Variants in RTN4 observed in about 807,000 individuals in gnomAD.
The protein encoded by RTN4 is reticulon 4, also known as reticulon-4.
RTN4 carries 32 observed loss-of-function variants against 90.4 expected under a neutral mutation model. That is an observed-to-expected ratio of 0.35 (90% confidence interval 0.27 to 0.48). The LOEUF (loss-of-function observed/expected upper bound fraction) is 0.48, where lower values mean the gene tolerates loss of function less well. Among genes scored for constraint, RTN4 ranks in the 20% least tolerant of loss-of-function variants. The pLI, the probability that RTN4 is intolerant of heterozygous loss-of-function variation, is 0.99. For missense variants in RTN4, 1,706 were observed against 1,430.2 expected (o/e 1.19, Z -3.11); for synonymous variants, 629 against 552.5 (o/e 1.14, Z -1.94).
chr2:55,088,276 T>A (rs2105040801), intron 1 of RTN4, among the ~76,000 whole-genome samples: 1 of 152,298 alleles, frequency 6.6e-6, no homozygotes, highest in South Asian at 2.1e-4. Flanking sequence ...GAAGGAAAAG[T>A]GGGAATGACA....
At chr2:55,018,878 C>A (rs1466606264) in intron 3 of RTN4, among the ~76,000 whole-genome samples, 1 of 152,106 alleles carries the variant, frequency 6.6e-6, no homozygotes, top group African/African-American at 2.4e-5. Context: ...ATCTTTAATA[C>A]CTCACTATTA....
chr2:55,057,125 A>G (rs764618462), intron 2 of RTN4, among the ~76,000 whole-genome samples: 12 of 152,238 alleles, frequency 7.9e-5, no homozygotes, highest in Admixed American at 5.9e-4. Flanking sequence ...TTAGCTGCCA[A>G]TACATTTACA....
chr2:55,045,423 C>A (rs1683356261), intron 1 of RTN4, among the ~76,000 whole-genome samples: 1 of 152,138 alleles, frequency 6.6e-6, no homozygotes, highest in African/African-American at 2.4e-5. Context: ...ACTGAATGAA[C>A]AAATAATGAA....
At chr2:55,101,514 T>C (rs115670795) in intron 1 of RTN4, among the ~76,000 whole-genome samples, 5,066 of 152,194 alleles carry the variant, frequency 0.033, 134 homozygotes, top group African/African-American at 0.038. Context: ...TCCAAAATGA[T>C]TTGGTGTATA....
At chr2:55,074,159 G>A (rs990874461) in intron 2 of RTN4, among the ~76,000 whole-genome samples, 1 of 152,182 alleles carries the variant, frequency 6.6e-6, no homozygotes, top group African/African-American at 2.4e-5. Flanking sequence ...AGGATTCTAT[G>A]GAAGTTGGTA....
At chr2:55,115,869 A>G (rs192157990), upstream of RTN4, among the ~76,000 whole-genome samples, 1 of 152,272 alleles carries the variant, frequency 6.6e-6, no homozygotes, top group East Asian at 1.9e-4. Flanking sequence ...CCATCCTCTT[A>G]TGACCATTTT....
chr2:55,126,562 T>C, the RTN4 span, among the ~76,000 whole-genome samples: 1 of 152,148 alleles, frequency 6.6e-6, no homozygotes, highest in African/African-American at 2.4e-5. Flanking sequence ...AAGGGAACAC[T>C]TATACGCTGT....
chr2:55,121,853 T>C, the RTN4 span, among the ~76,000 whole-genome samples: 1 of 152,200 alleles, frequency 6.6e-6, no homozygotes, highest in East Asian at 1.9e-4. Flanking sequence ...GCTTGTCATG[T>C]CATGTTACTC....
intron 7 of RTN4, 43 bp downstream of exon 7, chr2:54,973,778 G>A: frequency 6.3e-7 from 1 of 1,579,244 alleles, no homozygotes; most frequent in South Asian, 1.1e-5. Context: ...ATGTAATAGA[G>A]TGAGTGCTCT....
intron 1 of RTN4, among the ~76,000 whole-genome samples, chr2:55,035,376 A>G (rs1682604844): frequency 6.6e-6 from 1 of 152,162 alleles, no homozygotes; most frequent in African/African-American, 2.4e-5. Context: ...ACGAAACTAC[A>G]GAATTCTAAA....
chr2:55,113,382 T>C (rs1470013628), upstream of RTN4, among the ~76,000 whole-genome samples: 1 of 152,298 alleles, frequency 6.6e-6, no homozygotes, highest in South Asian at 2.1e-4. Flanking sequence ...GCCTTATCAA[T>C]ACTCACAAAC....
intron 1 of RTN4, among the ~76,000 whole-genome samples, chr2:55,095,617 G>A (rs1468352915): frequency 6.6e-6 from 1 of 152,072 alleles, no homozygotes; most frequent in Non-Finnish European, 1.5e-5. Flanking sequence ...AGGGTCAAGT[G>A]GTCCTCCCAC....
At chr2:55,116,717 G>C (rs908406345), upstream of RTN4, among the ~76,000 whole-genome samples, 44 of 152,260 alleles carry the variant, frequency 2.9e-4, no homozygotes, top group African/African-American at 1.0e-3. Flanking sequence ...CCAGAATTCA[G>C]GTTGGTCTGA....
intron 3 of RTN4, among the ~76,000 whole-genome samples, chr2:55,003,718 A>T (rs1680007204): frequency 1.1e-4 from 16 of 152,212 alleles, no homozygotes; most frequent in Admixed American, 1.0e-3. Flanking sequence ...TAGACCTATG[A>T]TGACTGCATC....
chr2:55,099,876 T>A (rs988309795), intron 1 of RTN4, among the ~76,000 whole-genome samples: 1 of 152,120 alleles, frequency 6.6e-6, no homozygotes, highest in Non-Finnish European at 1.5e-5. Context: ...CATAGGGCTG[T>A]GTAAGCATTG....
chr2:54,974,109 T>C, intron 6 of RTN4: 1 of 426,218 alleles, frequency 2.3e-6, no homozygotes, highest in East Asian at 4.4e-5. Context: ...CATATCACAG[T>C]GAGATTTCAT....
intron 1 of RTN4, among the ~76,000 whole-genome samples, chr2:55,036,599 CAAAAAAAAA>C (rs71410411): frequency 8.2e-5 from 6 of 72,994 alleles, no homozygotes; most frequent in Admixed American, 1.8e-4. Context: ...AAGACTGTCT[CAAAAAAAAA>C]AAAAAAAAAA....
intron 3 of RTN4, chr2:55,010,167 C>G: frequency 6.2e-7 from 1 of 1,611,674 alleles, no homozygotes; most frequent in Non-Finnish European, 8.5e-7. Context: ...ATTATGCATA[C>G]CAACAGAAAA....
intron 2 of RTN4, among the ~76,000 whole-genome samples, chr2:55,075,363 A>G (rs1242096798): frequency 6.6e-6 from 1 of 152,228 alleles, no homozygotes. Flanking sequence ...AACCTTAGGA[A>G]TATGCTTAAC....
Sources: allele counts gnomAD v4.1 joint callset (sites outside exome capture counted in the v4.1 genomes callset), GRCh38; gene constraint gnomAD v4.1.1; transcripts MANE v1.5; gene names NCBI Gene and HGNC (gene_info 2026-07-23, HGNC 2026-07-21).